The following IL1RN variants were observed in gnomAD, a reference collection of about 807,000 sequenced individuals.
IL1RN encodes the protein interleukin 1 receptor antagonist.
In IL1RN, 10 loss-of-function variants were observed where a neutral mutation model predicts 13.7. The ratio of observed to expected loss-of-function variants is 0.73; its 90% confidence interval spans 0.45 to 1.24. IL1RN has a LOEUF of 1.24. IL1RN is among the 50% of genes most tolerant of loss of function. The probability of loss-of-function intolerance (pLI) is 0.00; values close to 1 mark genes in which losing one functional copy is unlikely to be tolerated. For synonymous variants in IL1RN, 102 were observed against 82.7 expected (o/e 1.23, Z -1.27); for missense variants, 213 against 222.1 (o/e 0.96, Z 0.26).
chr2:113,119,834 A>C (rs1391699351), intron 1 of IL1RN, among the ~76,000 whole-genome samples: 1 of 152,160 alleles, frequency 6.6e-6, no homozygotes, highest in Non-Finnish European at 1.5e-5. Context: ...TTCTCCATCT[A>C]AGGCCAGGAG....
chr2:113,117,637 T>C (rs538811409), upstream of IL1RN: 28 of 400,038 alleles, frequency 7.0e-5, no homozygotes, highest in Non-Finnish European at 1.2e-4. Context: ...TGTGCACACA[T>C]GCATGAGCTG....
chr2:113,132,628 T>C lies in IL1RN; in HGVS notation c.319-28T>C, dbSNP rs768540748. On this transcript the variant is annotated intron_variant, in intron 3 of 3. Coordinates refer to ENST00000409930, the MANE Select transcript of IL1RN (RefSeq NM_173842.3). ...AGCACAGGACTTCCTAGGCCTCAGC[T>C]CTCACCTGCCCATCTTTTGATTTCC... The C allele has an allele frequency of 2.8e-5, 45 of 1,604,534 alleles. No homozygotes were observed. The South Asian group carries it at 4.8e-4, about 17-fold the overall frequency.
upstream of IL1RN, among the ~76,000 whole-genome samples, chr2:113,115,851 G>A (rs1193018805): frequency 6.6e-6 from 1 of 152,106 alleles, no homozygotes; most frequent in Non-Finnish European, 1.5e-5. Flanking sequence ...CCCCAGTGTT[G>A]GGACCACCTG....
At chr2:113,116,348 A>G (rs552725471), upstream of IL1RN, among the ~76,000 whole-genome samples, 1 of 152,370 alleles carries the variant, frequency 6.6e-6, no homozygotes, top group East Asian at 1.9e-4. Flanking sequence ...TTCTTTAGTC[A>G]GCAGGAATTT....
At chr2:113,106,433 A>C (rs17207494), upstream of IL1RN, among the ~76,000 whole-genome samples, 48,491 of 152,146 alleles carry the variant, frequency 0.32, 8,356 homozygotes, top group Middle Eastern at 0.45. Context: ...AAATGGGTTG[A>C]TAGATCCCCT....
chr2:113,131,335 G>A (rs549316595), intron 3 of IL1RN, among the ~76,000 whole-genome samples, 178 bp downstream of exon 3: 1 of 152,294 alleles, frequency 6.6e-6, no homozygotes, highest in East Asian at 1.9e-4. Flanking sequence ...GCTTGCGCTG[G>A]GCATCCAAGG....
intron 2 of IL1RN, among the ~76,000 whole-genome samples, chr2:113,122,499 G>T (rs1236482677): frequency 6.6e-6 from 1 of 152,174 alleles, no homozygotes; most frequent in Non-Finnish European, 1.5e-5. Flanking sequence ...TCCGTGGTGG[G>T]AGTATTATGT....
At chr2:113,099,723 CTTTTCTTTTTTTT>C in the IL1RN span, among the ~76,000 whole-genome samples, 15 of 72,222 alleles carry the variant, frequency 2.1e-4, no homozygotes, top group African/African-American at 6.9e-4. Flanking sequence ...CCTCTTCTTT[CTTTTCTTTTTTTT>C]TTTTTTTTTT....
At chr2:113,116,363 A>G (rs1686591316), upstream of IL1RN, among the ~76,000 whole-genome samples, 1 of 152,222 alleles carries the variant, frequency 6.6e-6, no homozygotes, top group South Asian at 2.1e-4. Flanking sequence ...GAATTTCTCT[A>G]CAAAAGCTGC....
chr2:113,131,120 G>C lies in IL1RN; in HGVS notation c.281G>C (p.Cys94Ser). Residue 94 changes from cysteine to serine, a missense_variant, in exon 3 of 4, where the codon TGT becomes TCT. Transcript: ENST00000409930. ...CATGGAGGGAAGATGTGCCTGTCCT[G>C]TGTCAAGTCTGGTGATGAGACCAGA... is the stretch of plus-strand genomic sequence containing the variant. ...GIHGGKMCLS[C>S]VKSGDETRLQ... The C allele has an allele frequency of 6.2e-7, 1 of 1,613,516 alleles. No homozygotes were observed. The highest frequency in any genetic ancestry group is 1.3e-5 in the African/African-American group (1 of 75,044).
At position 113,133,385 on chromosome 2, in the gene IL1RN, T is replaced by C. The variant is rs1168852184; in HGVS notation, c.*514T>C. 6.1e-6 allele frequency: 1 copy of C among 164,072 alleles called. No individual in the cohort carries two copies. The highest frequency in any genetic ancestry group is 1.3e-5 in the Non-Finnish European group (1 of 74,192). The allele number at this position is 164,072 out of a possible 1,614,324, so 10.2% of individuals were successfully genotyped here. A position where few individuals can be genotyped will look rare whatever the true frequency, so the allele number is the denominator to read the frequency against. On this transcript the variant is annotated 3_prime_UTR_variant, in exon 4 of 4. Transcript: ENST00000409930. Reference sequence around the variant, plus strand: ...TTCAGTCCCCGTGAAGGAGAGCCCTTCATTTGGAGATTATGTTCTTTCGGG... The same window carrying C: ...TTCAGTCCCCGTGAAGGAGAGCCCTCCATTTGGAGATTATGTTCTTTCGGG...
chr2:113,121,371 T>C, intron 2 of IL1RN: 1 of 788,986 alleles, frequency 1.3e-6, no homozygotes, highest in Non-Finnish European at 1.5e-6. Context: ...ACACAGAGCC[T>C]AAACTATAAC....
chr2:113,125,218 A>G (rs1253392349), upstream of IL1RN, among the ~76,000 whole-genome samples: 4 of 152,246 alleles, frequency 2.6e-5, no homozygotes, highest in Non-Finnish European at 4.4e-5. Context: ...ATAAAGTGAT[A>G]CACTTGATTA....
intron 1 of IL1RN, among the ~76,000 whole-genome samples, chr2:113,128,115 T>C (rs1011086300): frequency 6.6e-6 from 1 of 152,248 alleles, no homozygotes; most frequent in Non-Finnish European, 1.5e-5. Context: ...GGCCTGTCTG[T>C]GCTGACATGT....
upstream of IL1RN, among the ~76,000 whole-genome samples, chr2:113,122,788 A>G (rs2104442947): frequency 6.6e-6 from 1 of 152,236 alleles, no homozygotes; most frequent in Middle Eastern, 3.4e-3. Flanking sequence ...CTACCTCTAA[A>G]TGCTACTCAA....
At chr2:113,122,087 A>G (rs1232947277) in intron 2 of IL1RN, among the ~76,000 whole-genome samples, 1 of 152,238 alleles carries the variant, frequency 6.6e-6, no homozygotes, top group Non-Finnish European at 1.5e-5. Flanking sequence ...TCAGGATTCA[A>G]GTGTTGGCCG....
upstream of IL1RN, among the ~76,000 whole-genome samples, chr2:113,108,938 T>C (rs1454554707): frequency 1.3e-5 from 2 of 152,150 alleles, no homozygotes; most frequent in African/African-American, 4.8e-5. Flanking sequence ...TTATTAATTT[T>C]AGACCCTGAG....
At chr2:113,107,806 G>A (rs1277307738), upstream of IL1RN, among the ~76,000 whole-genome samples, 2 of 152,146 alleles carry the variant, frequency 1.3e-5, no homozygotes, top group East Asian at 1.9e-4. Flanking sequence ...AACAGTGAAT[G>A]AGATTACTTC....
upstream of IL1RN, chr2:113,115,460 C>T (rs1324290902): frequency 6.6e-6 from 1 of 152,264 alleles, no homozygotes; most frequent in Non-Finnish European, 1.5e-5. Context: ...TGATGCCTCC[C>T]TTTCCTTCTA....
Sources: gnomAD v4.1 joint callset for allele counts (sites outside exome capture counted in the v4.1 genomes callset) on GRCh38, gnomAD v4.1.1 for gene constraint, MANE v1.5 for transcripts, NCBI Gene and HGNC (gene_info 2026-07-23, HGNC 2026-07-21) for gene names.